Variants in NAALADL2 observed in about 807,000 individuals in gnomAD.
The protein encoded by NAALADL2 is N-acetylated alpha-linked acidic dipeptidase like 2.
NAALADL2 carries 76 observed loss-of-function variants against 87.2 expected under a neutral mutation model. That is an observed-to-expected ratio of 0.87 (90% CI 0.72 to 1.05). NAALADL2 has a LOEUF of 1.05. Ranked by LOEUF, NAALADL2 falls within the 50% of genes least tolerant of loss-of-function variation. NAALADL2 has a pLI of 0.00. For missense variants in NAALADL2, 1,089 were observed against 945.8 expected, an observed-to-expected ratio of 1.15 and a Z score of -1.99; for synonymous variants, 354 against 331.0, an observed-to-expected ratio of 1.07 and a Z score of -0.75.
intron 2 of NAALADL2, among the ~76,000 whole-genome samples, chr3:174,559,779 C>T (rs1446644991): frequency 6.6e-6 from 1 of 152,122 alleles, no homozygotes; most frequent in Non-Finnish European, 1.5e-5. Flanking sequence ...GAGGGCTCCA[C>T]CCTTATGTCC....
chr3:175,666,701 C>T (rs567515652), intron 11 of NAALADL2, among the ~76,000 whole-genome samples: 13 of 152,006 alleles, frequency 8.6e-5, no homozygotes, highest in African/African-American at 1.7e-4. Flanking sequence ...ATCTTTGGAA[C>T]GTTACATTAG....
intron 1 of NAALADL2, among the ~76,000 whole-genome samples, chr3:174,976,072 T>G (rs1744318163): frequency 6.6e-6 from 1 of 152,202 alleles, no homozygotes; most frequent in Non-Finnish European, 1.5e-5. Flanking sequence ...AATACAATTA[T>G]GTACTATAAA....
chr3:175,199,484 G>A (rs1739484629), intron 2 of NAALADL2, among the ~76,000 whole-genome samples: 1 of 151,914 alleles, frequency 6.6e-6, no homozygotes, highest in African/African-American at 2.4e-5. Context: ...ATGTTTGCAG[G>A]CATCCAAGGG....
At chr3:174,611,660 C>T (rs1362950455) in intron 2 of NAALADL2, among the ~76,000 whole-genome samples, 3 of 151,530 alleles carry the variant, frequency 2.0e-5, no homozygotes, top group Non-Finnish European at 4.4e-5. Context: ...GGTGTGATCT[C>T]GGCTCGCTGC....
At chr3:175,689,316 A>AAAC (rs1471418921) in intron 11 of NAALADL2, among the ~76,000 whole-genome samples, 1 of 152,174 alleles carries the variant, frequency 6.6e-6, no homozygotes, top group East Asian at 1.9e-4. Context: ...TAGAACTGAG[A>AAAC]AACATATAAA....
rs1733581055 is a variant in NAALADL2 at position 175,527,540 on chromosome 3, C to T, written c.1654-48501C>T. Among the ~76,000 whole-genome samples, 3 of 152,202 alleles carry T rather than the reference C, an allele frequency of 2.0e-5. 1 individual carries two copies. Among genetic ancestry groups the T allele is most frequent in the Non-Finnish European group, 4.4e-5 (3 of 67,998 alleles). Reference sequence around the variant, plus strand: ...ATAAAATAGATGATCCTAGATAATACAGAAATAATACTCAAATGAGTGAGT... The same window carrying T: ...ATAAAATAGATGATCCTAGATAATATAGAAATAATACTCAAATGAGTGAGT... On this transcript the variant is annotated intron_variant, in intron 9 of 13. Coordinates refer to ENST00000454872, the MANE Select transcript of NAALADL2 (RefSeq NM_207015.3).
intron 10 of NAALADL2, among the ~76,000 whole-genome samples, chr3:175,610,412 T>C (rs1011860484): frequency 1.3e-5 from 2 of 152,168 alleles, no homozygotes; most frequent in East Asian, 3.8e-4. Context: ...TAAACATTTG[T>C]TGAACTGTTA....
At chr3:174,641,758 G>T (rs6791316) in intron 2 of NAALADL2, among the ~76,000 whole-genome samples, 79,912 of 151,910 alleles carry the variant, frequency 0.53, 21,507 homozygotes, top group Middle Eastern at 0.66. Context: ...CCTTTTTTCA[G>T]AAATTTTTTT....
chr3:175,466,061 C>A (rs1413908072), intron 7 of NAALADL2, among the ~76,000 whole-genome samples: 2 of 152,220 alleles, frequency 1.3e-5, no homozygotes, highest in East Asian at 3.9e-4. Flanking sequence ...ATAAGCTTTC[C>A]AAGGTCACAC....
At chr3:175,019,266 A>G (rs1044552881) in intron 1 of NAALADL2, among the ~76,000 whole-genome samples, 1 of 152,030 alleles carries the variant, frequency 6.6e-6, no homozygotes, top group African/African-American at 2.4e-5. Flanking sequence ...GTGTCTGCCT[A>G]TACCTGGTAA....
chr3:174,691,437 C>A (rs1398028555), intron 2 of NAALADL2, among the ~76,000 whole-genome samples: 6 of 148,366 alleles, frequency 4.0e-5, no homozygotes, highest in Admixed American at 1.3e-4. Flanking sequence ...ATAAAACCCA[C>A]AAAAAAAAAA....
chr3:174,919,151 G>A (rs775094972), intron 1 of NAALADL2, among the ~76,000 whole-genome samples: 3 of 152,072 alleles, frequency 2.0e-5, no homozygotes, highest in Non-Finnish European at 4.4e-5. Context: ...TGGCCTTGGC[G>A]TTGATGGCTT....
intron 1 of NAALADL2, among the ~76,000 whole-genome samples, chr3:174,893,655 G>C (rs984241990): frequency 6.6e-6 from 1 of 152,018 alleles, no homozygotes; most frequent in Non-Finnish European, 1.5e-5. Context: ...AAAATAATGG[G>C]TTATAAAATA....
chr3:174,912,653 A>G (rs962852900), intron 1 of NAALADL2, among the ~76,000 whole-genome samples: 2 of 152,168 alleles, frequency 1.3e-5, no homozygotes, highest in Non-Finnish European at 2.9e-5. Flanking sequence ...ATGGCTTTCA[A>G]TGTTCCTAAG....
intron 10 of NAALADL2, among the ~76,000 whole-genome samples, chr3:175,620,362 C>T (rs761740413): frequency 2.0e-5 from 3 of 152,194 alleles, no homozygotes; most frequent in East Asian, 1.9e-4. Flanking sequence ...CCAGCATCCA[C>T]GTTGGGCGCC....
intron 2 of NAALADL2, among the ~76,000 whole-genome samples, chr3:175,161,780 C>T (rs1733263501): frequency 6.6e-6 from 1 of 152,044 alleles, no homozygotes. Context: ...CATTATATTG[C>T]CCTATCATAA....
intron 3 of NAALADL2, among the ~76,000 whole-genome samples, chr3:174,844,102 T>C (rs760227856): frequency 6.6e-6 from 1 of 152,186 alleles, no homozygotes; most frequent in East Asian, 1.9e-4. Flanking sequence ...AGCCCCAATG[T>C]TGTAAAGCAT....
rs182090710 is a variant in NAALADL2, at chr3:175,094,504, T to C, written c.44-2286T>C. 7.9e-5 allele frequency among the ~76,000 whole-genome samples: 12 copies of C among 152,100 alleles called. No individual in the cohort carries two copies. The East Asian group carries it at 2.3e-3, about 29-fold the overall frequency. The stretch of plus-strand genomic sequence containing the variant: ...TAAGTTAATCAGCTGTCACCTAACC[T>C]ATCTGAATAGCTATCATTAACGTCA... On this transcript the variant is annotated intron_variant, in intron 1 of 13. Coordinates refer to ENST00000454872, the MANE Select transcript of NAALADL2 (RefSeq NM_207015.3).
intron 1 of NAALADL2, among the ~76,000 whole-genome samples, chr3:174,910,046 C>T (rs868417004): frequency 2.2e-4 from 34 of 152,128 alleles, no homozygotes; most frequent in Middle Eastern, 3.4e-3. Flanking sequence ...TTCTGCAATA[C>T]TGTAGCACAA....
Sources: gnomAD v4.1 joint callset for allele counts (sites outside exome capture counted in the v4.1 genomes callset) on GRCh38, gnomAD v4.1.1 for gene constraint, MANE v1.5 for transcripts, NCBI Gene and HGNC (gene_info 2026-07-23, HGNC 2026-07-21) for gene names.